The following NECAB1 variants were observed in gnomAD, a reference collection of about 807,000 sequenced individuals.
NECAB1 encodes the protein N-terminal EF-hand calcium binding protein 1.
In NECAB1, 29 loss-of-function variants were observed where a neutral mutation model predicts 57.5. The ratio of observed to expected loss-of-function variants is 0.50; its 90% confidence interval spans 0.38 to 0.69. The LOEUF (loss-of-function observed/expected upper bound fraction) is 0.69. Among genes scored for constraint, NECAB1 ranks in the 30% least tolerant of loss-of-function variants. The pLI is 0.00. For missense variants in NECAB1, 372 were observed against 413.8 expected, an observed-to-expected ratio of 0.90 and a Z score of 0.88; for synonymous variants, 142 against 147.7, an observed-to-expected ratio of 0.96 and a Z score of 0.28.
At chr8:90,947,296 C>CAACTAAA (rs1554578287) in intron 10 of NECAB1, among the ~76,000 whole-genome samples, 1 of 71,048 alleles carries the variant, frequency 1.4e-5, no homozygotes, top group Non-Finnish European at 2.8e-5. Flanking sequence ...ATTGGGCTAA[C>CAACTAAA]AACACATACA....
intron 9 of NECAB1, chr8:90,940,371 C>T (rs551219225): frequency 3.2e-5 from 5 of 158,638 alleles, no homozygotes; most frequent in Admixed American, 1.8e-4. Context: ...AACAATAGGA[C>T]TTCTCTTTAA....
intron 1 of NECAB1, among the ~76,000 whole-genome samples, chr8:90,796,869 GT>G (rs1811669663): frequency 6.6e-6 from 1 of 152,172 alleles, no homozygotes; most frequent in South Asian, 2.1e-4. Flanking sequence ...AAAAGCTGCT[GT>G]TTTTATTTCA....
At chr8:90,834,866 C>T (rs1812344611) in intron 3 of NECAB1, among the ~76,000 whole-genome samples, 1 of 152,066 alleles carries the variant, frequency 6.6e-6, no homozygotes, top group Admixed American at 6.5e-5. Flanking sequence ...TTTCTACCCT[C>T]TATCCTTATA....
chr8:90,884,988 C>G (rs1464319660), intron 5 of NECAB1, among the ~76,000 whole-genome samples: 2 of 152,160 alleles, frequency 1.3e-5, no homozygotes, highest in Non-Finnish European at 1.5e-5. Flanking sequence ...AACATATTCT[C>G]TCATATCAGA....
At chr8:90,799,603 A>C (rs948620308) in intron 1 of NECAB1, among the ~76,000 whole-genome samples, 3 of 152,180 alleles carry the variant, frequency 2.0e-5, no homozygotes, top group Non-Finnish European at 2.9e-5. Context: ...ATTTTGTTGA[A>C]GATCAGCTGG....
At chr8:90,841,745 T>C (rs1038186009) in intron 3 of NECAB1, among the ~76,000 whole-genome samples, 1 of 152,042 alleles carries the variant, frequency 6.6e-6, no homozygotes, top group African/African-American at 2.4e-5. Context: ...GAGAAAAGAA[T>C]CCTCTTGATG....
chr8:90,895,184 C>G (rs970645979), intron 5 of NECAB1, among the ~76,000 whole-genome samples: 2 of 152,170 alleles, frequency 1.3e-5, no homozygotes, highest in African/African-American at 4.8e-5. Flanking sequence ...AAGGGAAGCA[C>G]AGCACCTAGT....
At chr8:90,857,196 T>A (rs970127060) in intron 3 of NECAB1, among the ~76,000 whole-genome samples, 2 of 152,156 alleles carry the variant, frequency 1.3e-5, no homozygotes, top group African/African-American at 2.4e-5. Flanking sequence ...AGCAGGTGAC[T>A]TGAAGAACAA....
intron 5 of NECAB1, among the ~76,000 whole-genome samples, chr8:90,894,668 T>C (rs1809279474): frequency 6.6e-6 from 1 of 152,226 alleles, no homozygotes; most frequent in Non-Finnish European, 1.5e-5. Flanking sequence ...TCATACTTTG[T>C]TATTGGAAAC....
chr8:90,935,660 C>A (rs188606219), intron 9 of NECAB1, among the ~76,000 whole-genome samples: 1 of 152,210 alleles, frequency 6.6e-6, no homozygotes, highest in Admixed American at 6.5e-5. Flanking sequence ...TATAACTTAT[C>A]TAATGTTGTG....
intron 9 of NECAB1, among the ~76,000 whole-genome samples, chr8:90,935,323 G>A (rs2130214168): frequency 6.6e-6 from 1 of 152,278 alleles, no homozygotes; most frequent in South Asian, 2.1e-4. Flanking sequence ...TCTCAGAAAA[G>A]TTTAATCATG....
chr8:90,824,072 T>A (rs1161391396), intron 2 of NECAB1, among the ~76,000 whole-genome samples: 1 of 151,748 alleles, frequency 6.6e-6, no homozygotes, highest in Non-Finnish European at 1.5e-5. Flanking sequence ...TTAAAATACC[T>A]CTGTCTCTTA....
intron 5 of NECAB1, among the ~76,000 whole-genome samples, chr8:90,891,267 T>C (rs1356953866): frequency 6.6e-6 from 1 of 152,200 alleles, no homozygotes. Flanking sequence ...TTTTGAATAA[T>C]GGAAATAAAG....
At chr8:90,856,137 T>C (rs955786190) in intron 3 of NECAB1, among the ~76,000 whole-genome samples, 3 of 152,046 alleles carry the variant, frequency 2.0e-5, no homozygotes, top group Admixed American at 6.5e-5. Context: ...AAGTAAACAT[T>C]TGGCAAAATC....
At chr8:90,840,944 T>A (rs1276714570) in intron 3 of NECAB1, among the ~76,000 whole-genome samples, 4 of 116,898 alleles carry the variant, frequency 3.4e-5, no homozygotes, top group Admixed American at 3.4e-4. Flanking sequence ...TAGTGGTAAA[T>A]CTATTCAAAA....
intron 6 of NECAB1, 92 bp downstream of exon 6, chr8:90,917,720 T>TA (rs985295469): frequency 1.6e-6 from 2 of 1,218,536 alleles, no homozygotes; most frequent in East Asian, 2.5e-5. Flanking sequence ...TAGCAAAAAC[T>TA]AAAAAAGAGA....
At chr8:90,904,884 T>C (rs1325997572) in intron 5 of NECAB1, among the ~76,000 whole-genome samples, 1 of 152,118 alleles carries the variant, frequency 6.6e-6, no homozygotes, top group Non-Finnish European at 1.5e-5. Context: ...GACTTATCTA[T>C]ATGAAAACAA....
intron 5 of NECAB1, among the ~76,000 whole-genome samples, chr8:90,914,863 C>CCT (rs1188478644): frequency 1.3e-5 from 2 of 152,144 alleles, no homozygotes; most frequent in Admixed American, 6.6e-5. Context: ...TATGAATGAA[C>CCT]CTCTACTCCA....
rs138745760 is a variant in NECAB1, at chr8:90,818,702, G to A, written c.125-6015G>A. 4.1e-4 allele frequency among the ~76,000 whole-genome samples: 62 copies of A among 152,018 alleles called. 1 individual carries two copies. The East Asian group carries it at 6.6e-3, about 16-fold the overall frequency. ...TGTTGCAGTTTGAATCTGATATATT[G>A]AGGTATGAGTTTGGTTTTGGGTGAG... On this transcript the variant is annotated intron_variant, in intron 2 of 12. Coordinates refer to ENST00000417640, the MANE Select transcript of NECAB1 (RefSeq NM_022351.5).
Sources: gnomAD v4.1 joint callset for allele counts (sites outside exome capture counted in the v4.1 genomes callset) on GRCh38, gnomAD v4.1.1 for gene constraint, MANE v1.5 for transcripts, NCBI Gene and HGNC (gene_info 2026-07-23, HGNC 2026-07-21) for gene names.